The following TMPRSS11A variants were observed in gnomAD, a reference collection of about 807,000 sequenced individuals.
TMPRSS11A encodes the protein transmembrane protease serine 11A.
Under a neutral mutation model 58.9 loss-of-function variants are expected in TMPRSS11A, and 53 were observed. The observed-to-expected ratio is 0.90, with a 90% CI of 0.72 to 1.13. TMPRSS11A has a LOEUF of 1.13. Ranked by LOEUF, TMPRSS11A falls within the 50% of genes most tolerant of loss-of-function variation. The pLI is 0.00. For missense variants in TMPRSS11A, 493 were observed against 499.3 expected (o/e 0.99, Z 0.12); for synonymous variants, 167 against 169.8 (o/e 0.98, Z 0.13).
At position 67,924,117 on chromosome 4, in the gene TMPRSS11A, AC is replaced by A. The variant is rs1284618026; in HGVS notation, c.520+10del. Reference sequence around the variant, plus strand: ...AAATTGAACTTGTTTATATAAGCTAACTTGACTTACTTGCTTGGACAGTTAA... The same window carrying A: ...AAATTGAACTTGTTTATATAAGCTAATTGACTTACTTGCTTGGACAGTTAA... On this transcript the variant is annotated intron_variant, in intron 6 of 9. Coordinates refer to ENST00000508048, the MANE Select transcript of TMPRSS11A (RefSeq NM_001114387.2). 1.9e-6 allele frequency: 3 copies of A among 1,611,890 alleles called. No homozygotes were observed. The African/African-American group carries it at 4.0e-5, about 21-fold the overall frequency.
At chr4:67,927,719 TAACA>T (rs924436027) in intron 5 of TMPRSS11A, among the ~76,000 whole-genome samples, 2 of 152,246 alleles carry the variant, frequency 1.3e-5, no homozygotes, top group African/African-American at 4.8e-5. Flanking sequence ...CCCATATCAC[TAACA>T]AACACTGTTC....
intron 8 of TMPRSS11A, among the ~76,000 whole-genome samples, chr4:67,918,245 G>A (rs1437179490): frequency 6.6e-6 from 1 of 152,142 alleles, no homozygotes; most frequent in Non-Finnish European, 1.5e-5. Flanking sequence ...TGGACCACAT[G>A]GTAGAATCCA....
intron 5 of TMPRSS11A, among the ~76,000 whole-genome samples, chr4:67,924,549 T>G (rs1028736635): frequency 3.9e-5 from 6 of 152,210 alleles, no homozygotes; most frequent in Admixed American, 6.5e-5. Flanking sequence ...GTTTTCACAC[T>G]GCTGATAAAG....
chr4:67,949,752 G>A (rs953826491), intron 1 of TMPRSS11A, among the ~76,000 whole-genome samples: 1 of 152,018 alleles, frequency 6.6e-6, no homozygotes, highest in African/African-American at 2.4e-5. Context: ...CCAGCTACTC[G>A]GGAGACTGAG....
At chr4:67,959,834 A>T (rs1442984245) in intron 1 of TMPRSS11A, among the ~76,000 whole-genome samples, 1 of 152,248 alleles carries the variant, frequency 6.6e-6, no homozygotes, top group Non-Finnish European at 1.5e-5. Context: ...TATCCAAAGA[A>T]AAATAAATCA....
intron 1 of TMPRSS11A, among the ~76,000 whole-genome samples, chr4:67,949,161 G>C (rs2109765291): frequency 6.6e-6 from 1 of 152,210 alleles, no homozygotes; most frequent in South Asian, 2.1e-4. Flanking sequence ...TTAGAGCACA[G>C]TTCCTCTGAG....
intron 1 of TMPRSS11A, among the ~76,000 whole-genome samples, chr4:67,957,687 A>G (rs1721319317): frequency 6.6e-6 from 1 of 152,198 alleles, no homozygotes; most frequent in Admixed American, 6.5e-5. Flanking sequence ...CCATTTTCTG[A>G]GGAGAAATTC....
intron 3 of TMPRSS11A, among the ~76,000 whole-genome samples, chr4:67,939,531 G>T (rs957246230): frequency 6.6e-6 from 1 of 152,142 alleles, no homozygotes; most frequent in East Asian, 1.9e-4. Context: ...TGCCCATTCA[G>T]TGTGATGATG....
intron 3 of TMPRSS11A, among the ~76,000 whole-genome samples, chr4:67,934,750 C>G (rs1275305724): frequency 6.6e-6 from 1 of 152,120 alleles, no homozygotes; most frequent in Non-Finnish European, 1.5e-5. Flanking sequence ...CTCAAACAAA[C>G]AGACTCGCCC....
intron 3 of TMPRSS11A, among the ~76,000 whole-genome samples, chr4:67,938,060 G>A (rs2109755081): frequency 6.6e-6 from 1 of 152,172 alleles, no homozygotes; most frequent in East Asian, 1.9e-4. Context: ...AGTCTCATCA[G>A]CATGTTATTT....
chr4:67,914,760 T>A, intron 8 of TMPRSS11A, 30 bp from the exon 9 acceptor site: 2 of 1,595,300 alleles, frequency 1.3e-6, no homozygotes, highest in Non-Finnish European at 1.7e-6. Flanking sequence ...ATTCTAGTAT[T>A]TACAATCAGC....
chr4:67,963,088 AT>A (rs1721477355), intron 1 of TMPRSS11A, among the ~76,000 whole-genome samples: 1 of 152,258 alleles, frequency 6.6e-6, no homozygotes, highest in Non-Finnish European at 1.5e-5. Flanking sequence ...ACACAAAAAA[AT>A]CAAAACCAAT....
At position 67,919,111 on chromosome 4, in the gene TMPRSS11A, C is replaced by T. The variant is rs868431518; in HGVS notation, c.814G>A (p.Asp272Asn). The T allele has an allele frequency of 7.4e-6, 12 of 1,614,044 alleles. No individual in the cohort carries two copies. The Admixed American group carries it at 1.7e-4, about 22-fold the overall frequency. ...EKYRSAAREY[D>N]IAVVQVSSRV... is the part of the protein sequence containing the mutation. ...GAAGAGACCTGCACAACAGCAATGTCGTACTCTCTTGCTGCAGAGCGGTAC... is the reference window on the plus strand; with the variant it reads ...GAAGAGACCTGCACAACAGCAATGTTGTACTCTCTTGCTGCAGAGCGGTAC... The change falls in exon 8 of 10, where the codon GAC becomes AAC. Residue 272 changes from aspartate to asparagine, a missense_variant. By Grantham distance (23) the Asp-to-Asn change is conservative. Coordinates refer to ENST00000508048, the MANE Select transcript of TMPRSS11A (RefSeq NM_001114387.2).
At position 67,918,976 on chromosome 4, in the gene TMPRSS11A, C is replaced by T. The variant is rs756635658; in HGVS notation, c.949G>A (p.Gly317Ser). ...HITGFGALYY[G>S]GESQNDLREA... is the part of the protein sequence containing the mutation. ...TTAGCTATCCTGAGATACCCACCAC[C>T]ATAGTAAAGTGCTCCAAATCCTGTG... The change falls in exon 8 of 10, where the codon GGT becomes AGT. Residue 317 changes from glycine (G) to serine (S), a missense_variant. Transcript: ENST00000508048. 3.1e-6 allele frequency: 5 copies of T among 1,614,088 alleles called. No homozygotes were observed. The highest frequency in any genetic ancestry group is 4.2e-6 in the Non-Finnish European group (5 of 1,179,990).
intron 1 of TMPRSS11A, among the ~76,000 whole-genome samples, chr4:67,955,363 C>A (rs551508601): frequency 6.6e-6 from 1 of 152,156 alleles, no homozygotes; most frequent in East Asian, 1.9e-4. Context: ...TATGTTTGCA[C>A]GTGTGTGTAC....
At chr4:67,940,496 C>G (rs183381920) in intron 3 of TMPRSS11A, among the ~76,000 whole-genome samples, 22 of 152,268 alleles carry the variant, frequency 1.4e-4, no homozygotes, top group Admixed American at 3.3e-4. Flanking sequence ...GGAATTTACC[C>G]ATTTCCTCTA....
At chr4:67,939,081 G>T (rs1720817251) in intron 3 of TMPRSS11A, among the ~76,000 whole-genome samples, 1 of 151,970 alleles carries the variant, frequency 6.6e-6, no homozygotes, top group Non-Finnish European at 1.5e-5. Flanking sequence ...TGTCATCTCC[G>T]ATTTCTTTCA....
At chr4:67,918,876 C>T in intron 8 of TMPRSS11A, 97 bp downstream of exon 8, 1 of 1,386,518 alleles carries the variant, frequency 7.2e-7, no homozygotes, top group Non-Finnish European at 1.0e-6. Flanking sequence ...TCCAACCAGA[C>T]TGTGTGGAAA....
Position 67,929,928 on chromosome 4 carries a change from T to G in TMPRSS11A, c.433A>C (p.Arg145=). 1 of 1,613,736 alleles carries G rather than the reference T, an allele frequency of 6.2e-7. No individual in the cohort carries two copies. Among genetic ancestry groups the G allele is most frequent in the Non-Finnish European group, 8.5e-7 (1 of 1,179,708 alleles). ...KIQSILNQKI[R]NLRALPINAS... ...TTTATTGGCAAGGCTCTTAAATTCC[T>G]TATCTTCTGATTTAAGATGCTTTGG... The change falls in exon 5 of 10, where the codon AGG becomes CGG. Residue 145 remains arginine (R), a synonymous_variant. Coordinates refer to ENST00000508048, the MANE Select transcript of TMPRSS11A (RefSeq NM_001114387.2).
Sources: gnomAD v4.1 joint callset for allele counts (sites outside exome capture counted in the v4.1 genomes callset) on GRCh38, gnomAD v4.1.1 for gene constraint, MANE v1.5 for transcripts, NCBI Gene and HGNC (gene_info 2026-07-23, HGNC 2026-07-21) for gene names.